The following BRI3 variants were observed in gnomAD, a reference collection of about 807,000 sequenced individuals.
The protein encoded by BRI3 is membrane protein BRI3.
A neutral mutation model predicts 12.8 loss-of-function variants in BRI3; 6 were observed. The ratio of observed to expected loss-of-function variants is 0.47; its 90% CI spans 0.26 to 0.93. BRI3 has a LOEUF of 0.93. Ranked by LOEUF, BRI3 falls within the 40% of genes least tolerant of loss-of-function variation. The pLI, the probability that BRI3 is intolerant of heterozygous loss-of-function variation, is 0.15. For missense variants in BRI3, 134 were observed against 171.1 expected (o/e 0.78, Z 1.21); for synonymous variants, 91 against 76.1 (o/e 1.20, Z -1.02).
exon 2 of BRI3, chr7:98,310,216 G>A (rs1438383595): frequency 1.6e-5 from 8 of 497,280 alleles, no homozygotes; most frequent in East Asian, 1.2e-4. Context: ...CAGTCAGTGC[G>A]TAGAACTGGT....
At chr7:98,298,654 C>G (rs1800291129) in intron 1 of BRI3, among the ~76,000 whole-genome samples, 1 of 152,120 alleles carries the variant, frequency 6.6e-6, no homozygotes, top group African/African-American at 2.4e-5. Context: ...TCCCAGCTCT[C>G]ATGGATCCCA....
At chr7:98,282,050 A>G in intron 1 of BRI3, 113 bp downstream of exon 1, 1 of 1,299,338 alleles carries the variant, frequency 7.7e-7, no homozygotes, top group Admixed American at 3.7e-5. Context: ...CTGGAGCTGG[A>G]GGTCCCCGGG....
chr7:98,294,000 G>A (rs73147337), downstream of BRI3: 47,107 of 1,528,926 alleles, frequency 0.031, 896 homozygotes, highest in Non-Finnish European at 0.035. Flanking sequence ...GCTGGGCACC[G>A]AAGGCCCTTC....
In BRI3 at chr7:98,299,917, T is replaced by C. The variant is rs1584419134; in HGVS notation, c.72-6566T>C. Among the ~76,000 whole-genome samples, 6 of 152,272 alleles carry C rather than the reference T, an allele frequency of 3.9e-5. 1 individual carries two copies. The highest frequency in any genetic ancestry group is 3.9e-4 in the Admixed American group (6 of 15,292). ...TTAGCTGGGTGTGGTGGCATGCACC[T>C]GTAGTCCCAGCTACTTAGGAGGCTG... is the stretch of plus-strand genomic sequence containing the variant. On this transcript the variant is annotated intron_variant and NMD_transcript_variant, in intron 1 of 2. Transcript: ENST00000491463.
chr7:98,297,931 G>A (rs911330781), downstream of BRI3, among the ~76,000 whole-genome samples: 9 of 152,154 alleles, frequency 5.9e-5, 1 homozygote, highest in East Asian at 7.7e-4. Flanking sequence ...TAGAAAATAC[G>A]TAAATTAAAA....
intron 2 of BRI3, chr7:98,282,739 A>C: frequency 5.2e-6 from 2 of 383,442 alleles, no homozygotes; most frequent in Non-Finnish European, 9.5e-6. Context: ...AAATGGTAAC[A>C]ACGGGACTCG....
At chr7:98,303,833 C>T (rs1800525333), upstream of BRI3, among the ~76,000 whole-genome samples, 2 of 152,200 alleles carry the variant, frequency 1.3e-5, no homozygotes, top group Non-Finnish European at 2.9e-5. Context: ...TTAATGTAAG[C>T]CTCTCTTCAG....
At chr7:98,323,404 CATAA>C in the BRI3 span, 2 of 152,184 alleles carry the variant, frequency 1.3e-5, no homozygotes, top group African/African-American at 2.4e-5. Flanking sequence ...ACTTAAAATA[CATAA>C]ATAAATAAAC....
rs1293428377 is a variant in BRI3 at position 98,282,398 on chromosome 7, G to A, written c.190G>A (p.Val64Ile). 1.9e-6 allele frequency: 3 copies of A among 1,614,062 alleles called. No homozygotes were observed. The highest frequency in any genetic ancestry group is 2.5e-6 in the Non-Finnish European group (3 of 1,179,994). The change falls in exon 2 of 3, where the codon GTC becomes ATC. Residue 64 changes from valine to isoleucine, a missense_variant. Physicochemically the swap from Val to Ile is conservative, Grantham distance 29. Transcript: ENST00000297290. Reference sequence around the variant, plus strand: ...GGTCTACAACATCCACAGCCGGACCGTCACCCGCTATCCTGCCAACTCTAT... The same window carrying A: ...GGTCTACAACATCCACAGCCGGACCATCACCCGCTATCCTGCCAACTCTAT... Reference protein sequence around the residue: ...PRVYNIHSRTVTRYPANSIVV... With the variant: ...PRVYNIHSRTITRYPANSIVV...
At chr7:98,307,606 C>A in exon 2 of BRI3, 1 of 1,569,448 alleles carries the variant, frequency 6.4e-7, no homozygotes, top group Non-Finnish European at 8.6e-7. Context: ...GTGAGCATGT[C>A]CACGAAGACA....
At chr7:98,318,725 A>T in the BRI3 span, among the ~76,000 whole-genome samples, 3 of 150,996 alleles carry the variant, frequency 2.0e-5, no homozygotes, top group Non-Finnish European at 4.4e-5. Flanking sequence ...CAGGTGCACC[A>T]CGAGGTCAGA....
chr7:98,292,983 T>C, downstream of BRI3: 15 of 1,186,654 alleles, frequency 1.3e-5, no homozygotes, highest in South Asian at 1.7e-4. Flanking sequence ...TCTCCATCTC[T>C]GGAAGCTCTA....
the BRI3 span, chr7:98,319,962 G>GTC: frequency 2.1e-6 from 2 of 968,290 alleles, no homozygotes; most frequent in East Asian, 4.8e-5. Flanking sequence ...CTTCTCTCCT[G>GTC]TCTGCTGCTG....
rs1354831948 is a variant in BRI3, at chr7:98,281,852, C to T, written c.57C>T (p.Gly19=). The change falls in exon 1 of 3, where the codon GGC becomes GGT. Residue 19 remains glycine, a synonymous_variant. Coordinates refer to ENST00000297290, the MANE Select transcript of BRI3 (RefSeq NM_015379.5). ...ERPPAYNLEA[G]QGDYACGPHG... is the part of the protein sequence containing the mutation. ...CGCCCGCCTACAACCTGGAGGCCGG[C>T]CAGGGCGACTACGCGTGCGGCCCGC... 3.8e-6 allele frequency: 5 copies of T among 1,304,546 alleles called. No individual in the cohort carries two copies. Among genetic ancestry groups the T allele is most frequent in the Non-Finnish European group, 3.9e-6 (4 of 1,023,530 alleles). 80.8% of individuals were successfully genotyped at this position (1,304,546 alleles called of 1,614,324 possible).
exon 2 of BRI3, chr7:98,310,351 C>A (rs1800821394): frequency 1.4e-6 from 2 of 1,408,656 alleles, no homozygotes; most frequent in Admixed American, 2.5e-5. Context: ...TACCTCCAAA[C>A]CTTGCAATAC....
At chr7:98,308,557 A>G (rs1215870572) in exon 2 of BRI3, 1 of 343,756 alleles carries the variant, frequency 2.9e-6, no homozygotes, top group African/African-American at 2.1e-5. Flanking sequence ...GGAACCAGCT[A>G]GGGCAGGTTT....
At chr7:98,314,340 C>T (rs764207889), downstream of BRI3, among the ~76,000 whole-genome samples, 17 of 152,144 alleles carry the variant, frequency 1.1e-4, no homozygotes, top group Non-Finnish European at 2.4e-4. Context: ...TGCATACATA[C>T]AAGGCCAAAG....
intron 2 of BRI3, among the ~76,000 whole-genome samples, chr7:98,285,787 C>T (rs1467972102): frequency 5.3e-5 from 8 of 152,238 alleles, no homozygotes; most frequent in African/African-American, 1.7e-4. Context: ...TGTCCCTAAG[C>T]CAGGCAGCTC....
At chr7:98,304,443 G>A, upstream of BRI3, 1 of 1,535,542 alleles carries the variant, frequency 6.5e-7, no homozygotes, top group Non-Finnish European at 8.9e-7. Context: ...AACATCCTCT[G>A]TGTCCCTGAC....
Sources: allele counts gnomAD v4.1 joint callset (sites outside exome capture counted in the v4.1 genomes callset), GRCh38; gene constraint gnomAD v4.1.1; transcripts MANE v1.5; gene names NCBI Gene and HGNC (gene_info 2026-07-23, HGNC 2026-07-21).